Variants in WAPL observed in about 807,000 individuals in gnomAD.
WAPL encodes the protein WAPL cohesin release factor.
WAPL carries 5 observed loss-of-function variants against 121.0 expected under a neutral mutation model. The observed-to-expected ratio is 0.04, with a 90% CI of 0.02 to 0.09. The LOEUF is 0.09. Among genes scored for constraint, WAPL ranks in the 10% least tolerant of loss-of-function variants. The pLI is 1.00. For synonymous variants in WAPL, 480 were observed against 481.5 expected (o/e 1.00, Z 0.04); for missense variants, 999 against 1,410.8 (o/e 0.71, Z 4.68).
At position 86,487,345 on chromosome 10, in the gene WAPL, T is replaced by C. The variant is rs984587753; in HGVS notation, c.1644+9856A>G. On this transcript the variant is annotated intron_variant, in intron 4 of 18. Transcript: ENST00000298767. ...AACGAAAGTACCAAGAACTGCTCAA[T>C]GATCAAAACCTTACCTAGAAACAAT... Among the ~76,000 whole-genome samples the C allele has an allele frequency of 2.0e-5, 3 of 152,178 alleles. No homozygotes were observed. In the South Asian group the frequency reaches 6.2e-4, roughly 32 times the overall value.
intron 2 of WAPL, among the ~76,000 whole-genome samples, chr10:86,515,923 T>C (rs1444934995): frequency 1.6e-5 from 2 of 128,170 alleles, no homozygotes; most frequent in African/African-American, 6.0e-5. Flanking sequence ...TGGAGTGCAG[T>C]GGTGCGATCT....
chr10:86,484,632 T>C (rs1272368526), intron 4 of WAPL, among the ~76,000 whole-genome samples: 1 of 152,206 alleles, frequency 6.6e-6, no homozygotes, highest in Non-Finnish European at 1.5e-5. Context: ...AGCTTTCACA[T>C]TCACTCACTG....
intron 4 of WAPL, among the ~76,000 whole-genome samples, chr10:86,482,617 AAAG>A (rs758419248): frequency 1.9e-4 from 29 of 152,354 alleles, no homozygotes; most frequent in Middle Eastern, 3.4e-3. Flanking sequence ...CACCAGGAAG[AAAG>A]AAGTTTTCAC....
intron 3 of WAPL, 123 bp downstream of exon 3, chr10:86,499,595 T>G: frequency 1.1e-6 from 1 of 927,668 alleles, no homozygotes; most frequent in Non-Finnish European, 1.6e-6. Context: ...ATCTTTATCT[T>G]ATTATACTGT....
chr10:86,503,031 G>A (rs1401940873), intron 2 of WAPL, among the ~76,000 whole-genome samples: 2 of 151,894 alleles, frequency 1.3e-5, no homozygotes, highest in Non-Finnish European at 1.5e-5. Context: ...GGTGGCGGGC[G>A]CCTGTAGTCC....
rs531404303 is a variant in WAPL, at chr10:86,505,300, C to CTTTTTT, written c.500-4563_500-4558dup. Among the ~76,000 whole-genome samples the CTTTTTT allele has an allele frequency of 1.4e-3, 63 of 44,650 alleles. 2 individuals are homozygous for CTTTTTT. The highest frequency in any genetic ancestry group is 2.8e-3 in the South Asian group (3 of 1,076). 29.3% of individuals were successfully genotyped at this position (44,650 alleles called of 152,430 possible). On this transcript the variant is annotated intron_variant, in intron 2 of 18. Transcript: ENST00000298767. Reference sequence around the variant, plus strand: ...CAAGCTTCAGCCACAGTGCCCAACTCTTTTTTTTTTTTTTTTTTTTTTTTT... The same window carrying CTTTTTT: ...CAAGCTTCAGCCACAGTGCCCAACTCTTTTTTTTTTTTTTTTTTTTTTTTTTTTTTT...
chr10:86,462,755 A>G (rs1318455432), intron 9 of WAPL, among the ~76,000 whole-genome samples: 2 of 149,720 alleles, frequency 1.3e-5, no homozygotes, highest in Non-Finnish European at 3.0e-5. Flanking sequence ...TTGTTCTCCA[A>G]GGTGACAAAT....
intron 4 of WAPL, among the ~76,000 whole-genome samples, chr10:86,490,197 G>C (rs1308678803): frequency 6.6e-6 from 1 of 151,094 alleles, no homozygotes; most frequent in East Asian, 1.9e-4. Context: ...CTGGGGGACA[G>C]AGTGAGACTC....
At chr10:86,503,018 C>T (rs1455998905) in intron 2 of WAPL, among the ~76,000 whole-genome samples, 3 of 151,846 alleles carry the variant, frequency 2.0e-5, no homozygotes, top group South Asian at 2.1e-4. Context: ...ATTAGCCAGG[C>T]GTGGTGGCGG....
Position 86,448,390 on chromosome 10 carries a change from G to A in WAPL, c.3115-1941C>T, listed in dbSNP as rs189818266. On this transcript the variant is annotated intron_variant, in intron 15 of 18. Transcript: ENST00000298767. ...CACCTGAGCCTGGGAGGTAAAGGCTGTAGTGAGCTGTGACTGGACCACTGT... is the reference window on the plus strand; with the variant it reads ...CACCTGAGCCTGGGAGGTAAAGGCTATAGTGAGCTGTGACTGGACCACTGT... Among the ~76,000 whole-genome samples the A allele has an allele frequency of 4.9e-4, 75 of 152,274 alleles. 1 individual carries two copies. The highest frequency in any genetic ancestry group is 9.1e-4 in the African/African-American group (38 of 41,572).
chr10:86,495,212 CAT>C (rs1279703635), intron 4 of WAPL, among the ~76,000 whole-genome samples: 3 of 152,100 alleles, frequency 2.0e-5, no homozygotes, highest in Non-Finnish European at 4.4e-5. Context: ...CATGCTGGAC[CAT>C]ATTACATTTT....
At chr10:86,483,354 A>G (rs927942472) in intron 4 of WAPL, among the ~76,000 whole-genome samples, 3 of 151,944 alleles carry the variant, frequency 2.0e-5, no homozygotes, top group African/African-American at 7.3e-5. Flanking sequence ...TGCGAGGCGG[A>G]GGTTGCGGTA....
intron 2 of WAPL, among the ~76,000 whole-genome samples, chr10:86,501,168 C>T (rs1842239880): frequency 6.6e-6 from 1 of 152,190 alleles, no homozygotes; most frequent in African/African-American, 2.4e-5. Flanking sequence ...TTTTATTTAT[C>T]TGGGATAGGG....
intron 12 of WAPL, among the ~76,000 whole-genome samples, chr10:86,455,750 G>T (rs1297177800): frequency 1.3e-5 from 2 of 151,320 alleles, no homozygotes; most frequent in African/African-American, 4.9e-5. Context: ...TGCTAGCAGG[G>T]TGAGATGGGA....
intron 12 of WAPL, among the ~76,000 whole-genome samples, chr10:86,456,894 A>C (rs1841159998): frequency 6.6e-6 from 1 of 152,098 alleles, no homozygotes; most frequent in African/African-American, 2.4e-5. Flanking sequence ...AAGCTTAAAA[A>C]CCTAGAGATA....
At position 86,464,708 on chromosome 10, in the gene WAPL, C is replaced by T. The variant is rs117711848; in HGVS notation, c.2370+2571G>A. Among the ~76,000 whole-genome samples, 501 of 152,266 alleles carry T rather than the reference C, an allele frequency of 3.3e-3. 5 individuals are homozygous for T. Among genetic ancestry groups the T allele is most frequent in the South Asian group, 0.022 (107 of 4,832 alleles). ...AAAATTAGCTGGGCGTGATGGCACA[C>T]GCCTGTAATCCCAGCTATTCAAGAG... On this transcript the variant is annotated intron_variant, in intron 9 of 18. Transcript: ENST00000298767.
intron 15 of WAPL, among the ~76,000 whole-genome samples, chr10:86,447,246 A>T (rs534650053): frequency 1.2e-4 from 19 of 152,360 alleles, no homozygotes; most frequent in Non-Finnish European, 8.8e-5. Flanking sequence ...ATATAGACAG[A>T]TAAAGCACAT....
intron 2 of WAPL, among the ~76,000 whole-genome samples, chr10:86,505,297 ACT>A (rs1842325344): frequency 1.4e-5 from 1 of 71,354 alleles, no homozygotes; most frequent in Non-Finnish European, 3.3e-5. Context: ...ACAGTGCCCA[ACT>A]CTTTTTTTTT....
At chr10:86,473,048 A>G (rs1255388009) in intron 5 of WAPL, among the ~76,000 whole-genome samples, 1 of 152,194 alleles carries the variant, frequency 6.6e-6, no homozygotes, top group Non-Finnish European at 1.5e-5. Flanking sequence ...TACCATTAGA[A>G]AGACTAAAGA....
Sources: allele counts gnomAD v4.1 joint callset (sites outside exome capture counted in the v4.1 genomes callset), GRCh38; gene constraint gnomAD v4.1.1; transcripts MANE v1.5; gene names NCBI Gene and HGNC (gene_info 2026-07-23, HGNC 2026-07-21).